Variants in KCNJ6 observed in about 807,000 individuals in gnomAD.
KCNJ6 encodes the protein G protein-activated inward rectifier potassium channel 2.
KCNJ6 carries 9 observed loss-of-function variants against 34.2 expected under a neutral mutation model. The observed-to-expected ratio is 0.26, with a 90% CI of 0.16 to 0.46. The LOEUF (loss-of-function observed/expected upper bound fraction) is 0.46, where lower values mean the gene tolerates loss of function less well. Among genes scored for constraint, KCNJ6 ranks in the 20% least tolerant of loss-of-function variants. The probability of loss-of-function intolerance (pLI) is 1.00; values close to 1 mark genes in which losing one functional copy is unlikely to be tolerated. For missense variants in KCNJ6, 236 were observed against 531.3 expected, an observed-to-expected ratio of 0.44 and a Z score of 5.46; for synonymous variants, 196 against 207.1, an observed-to-expected ratio of 0.95 and a Z score of 0.46.
At chr21:37,700,306 C>T (rs988704602) in intron 3 of KCNJ6, among the ~76,000 whole-genome samples, 1 of 152,126 alleles carries the variant, frequency 6.6e-6, no homozygotes, top group Non-Finnish European at 1.5e-5. Context: ...AAAAGGGTAT[C>T]CTAGGCAGAG....
chr21:37,859,720 C>G (rs1425671701), intron 1 of KCNJ6, among the ~76,000 whole-genome samples: 1 of 150,676 alleles, frequency 6.6e-6, no homozygotes, highest in Non-Finnish European at 1.5e-5. Flanking sequence ...CATTGATTTA[C>G]TTGTGTCTGA....
At chr21:37,762,695 C>T (rs1268641380) in intron 2 of KCNJ6, among the ~76,000 whole-genome samples, 1 of 152,108 alleles carries the variant, frequency 6.6e-6, no homozygotes, top group African/African-American at 2.4e-5. Flanking sequence ...GAGGCTGGGC[C>T]ATTCGGTGAC....
chr21:37,754,947 G>A (rs1369757896), intron 2 of KCNJ6, among the ~76,000 whole-genome samples: 1 of 152,172 alleles, frequency 6.6e-6, no homozygotes. Context: ...GTATTGCTGG[G>A]CTTCTGGAAG....
chr21:37,901,425 A>T (rs2055816447), intron 1 of KCNJ6, among the ~76,000 whole-genome samples: 1 of 152,156 alleles, frequency 6.6e-6, no homozygotes, highest in African/African-American at 2.4e-5. Flanking sequence ...AACCACATGG[A>T]AATAGAGGGA....
intron 3 of KCNJ6, among the ~76,000 whole-genome samples, chr21:37,656,726 A>G (rs11910255): frequency 0.15 from 23,512 of 152,148 alleles, 2,922 homozygotes; most frequent in African/African-American, 0.34. Flanking sequence ...TCTGTCAGGG[A>G]CACTGTCCTC....
intron 3 of KCNJ6, among the ~76,000 whole-genome samples, chr21:37,640,976 G>T (rs1004820439): frequency 2.0e-5 from 3 of 152,196 alleles, no homozygotes; most frequent in Non-Finnish European, 4.4e-5. Context: ...CTCTTCCAGG[G>T]TTAAGTGCGT....
intron 1 of KCNJ6, among the ~76,000 whole-genome samples, chr21:37,864,930 T>A (rs1467351614): frequency 1.3e-5 from 2 of 151,752 alleles, no homozygotes; most frequent in African/African-American, 4.8e-5. Context: ...GTCTTGAAAT[T>A]TGGGGCTCAA....
intron 3 of KCNJ6, among the ~76,000 whole-genome samples, chr21:37,631,917 AC>A (rs1282507586): frequency 1.3e-5 from 2 of 152,082 alleles, no homozygotes; most frequent in African/African-American, 4.8e-5. Flanking sequence ...GTCTTTTTGG[AC>A]CGAGTATTGG....
chr21:37,747,828 G>C (rs857989), intron 2 of KCNJ6, among the ~76,000 whole-genome samples: 22,043 of 152,238 alleles, frequency 0.14, 1,779 homozygotes, highest in Admixed American at 0.2. Flanking sequence ...AACCCAGTGA[G>C]ACCTGAGTTA....
In KCNJ6 at chr21:37,715,068, G is replaced by A; in HGVS notation, c.89C>T (p.Pro30Leu). The change falls in exon 3 of 4, where the codon CCA becomes CTA. Residue 30 changes from proline (P) to leucine (L), a missense_variant. This residue lies in a region of KCNJ6 where 64 missense variants were observed against 68.9 expected (regional missense o/e 0.93). Coordinates refer to ENST00000609713, the MANE Select transcript of KCNJ6 (RefSeq NM_002240.5). Reference protein sequence around the residue: ...DVESPVAIHQPKLPKQARDDL... With the variant: ...DVESPVAIHQLKLPKQARDDL... ...ATCCCTGGCCTGCTTAGGCAACTTT[G>A]GCTGGTGAATGGCCACTGGGCTTTC... The A allele has an allele frequency of 6.2e-7, 1 of 1,614,170 alleles. No individual in the cohort carries two copies. The highest frequency in any genetic ancestry group is 1.1e-5 in the South Asian group (1 of 91,082).
chr21:37,904,652 C>T (rs1468461688), intron 1 of KCNJ6, among the ~76,000 whole-genome samples: 1 of 152,112 alleles, frequency 6.6e-6, no homozygotes, highest in African/African-American at 2.4e-5. Context: ...GTTTGGGAGC[C>T]AGGCTAAATT....
chr21:37,628,459 C>A (rs760032365), intron 3 of KCNJ6, among the ~76,000 whole-genome samples: 2 of 151,986 alleles, frequency 1.3e-5, no homozygotes, highest in South Asian at 2.1e-4. Flanking sequence ...AATCAGTGAG[C>A]CTGAATATAG....
At chr21:37,657,490 C>T (rs75907050) in intron 3 of KCNJ6, among the ~76,000 whole-genome samples, 3,242 of 152,154 alleles carry the variant, frequency 0.021, 106 homozygotes, top group African/African-American at 0.072. Context: ...TGAGGGTCTG[C>T]CTAGTGTGCC....
chr21:37,789,182 G>T (rs1438879555), intron 2 of KCNJ6, among the ~76,000 whole-genome samples: 3 of 152,160 alleles, frequency 2.0e-5, no homozygotes, highest in Non-Finnish European at 2.9e-5. Flanking sequence ...TACTAGAGAT[G>T]CAATTCCTGG....
intron 1 of KCNJ6, among the ~76,000 whole-genome samples, chr21:37,913,211 A>G (rs2123656007): frequency 6.6e-6 from 1 of 152,374 alleles, no homozygotes; most frequent in African/African-American, 2.4e-5. Context: ...TGAGAGCAGA[A>G]GGGCTTGATG....
At position 37,709,770 on chromosome 21, in the gene KCNJ6, T is replaced by G. The variant is rs2123445940; in HGVS notation, c.946+4441A>C. 1.3e-5 allele frequency among the ~76,000 whole-genome samples: 2 copies of G among 152,244 alleles called. 1 individual carries two copies. Among genetic ancestry groups the G allele is most frequent in the South Asian group, 4.1e-4 (2 of 4,824 alleles). ...CAAAGATTCCCTCCAACTCAAAAAT[T>G]TTATGATCTGTGGTGTGATTTATGT... On this transcript the variant is annotated intron_variant, in intron 3 of 3. Coordinates refer to ENST00000609713, the MANE Select transcript of KCNJ6 (RefSeq NM_002240.5).
intron 2 of KCNJ6, among the ~76,000 whole-genome samples, chr21:37,830,486 T>C (rs1220360207): frequency 2.0e-5 from 3 of 152,150 alleles, no homozygotes; most frequent in Non-Finnish European, 4.4e-5. Context: ...CTTGTTGTCA[T>C]ACCTAGAGGG....
intron 2 of KCNJ6, among the ~76,000 whole-genome samples, chr21:37,831,556 A>ATTT (rs56908845): frequency 0.21 from 31,660 of 152,020 alleles, 5,483 homozygotes; most frequent in East Asian, 0.49. Flanking sequence ...TGGTGAAGGA[A>ATTT]AGCTCTTGGA....
At chr21:37,692,865 G>T (rs1206557987) in intron 3 of KCNJ6, among the ~76,000 whole-genome samples, 1 of 152,146 alleles carries the variant, frequency 6.6e-6, no homozygotes, top group Non-Finnish European at 1.5e-5. Context: ...ATTAAACTTA[G>T]AGCGAAAGGG....
Sources: gnomAD v4.1 joint callset for allele counts (sites outside exome capture counted in the v4.1 genomes callset) on GRCh38, gnomAD v4.1.1 for gene constraint, gnomAD v4.1.1 regional missense constraint, MANE v1.5 for transcripts, NCBI Gene and HGNC (gene_info 2026-07-23, HGNC 2026-07-21) for gene names.